The following NRG2 variants were observed in gnomAD, a reference collection of about 807,000 sequenced individuals.
NRG2 encodes neuregulin 2.
Under a neutral mutation model 73.9 loss-of-function variants are expected in NRG2, and 27 were observed. That is an observed-to-expected ratio of 0.37 (90% confidence interval 0.27 to 0.50). NRG2 has a LOEUF of 0.50. NRG2 is among the 20% of genes least tolerant of loss of function. The probability of loss-of-function intolerance (pLI) is 0.96; values close to 1 mark genes in which losing one functional copy is unlikely to be tolerated. For synonymous variants in NRG2, 532 were observed against 541.0 expected (o/e 0.98, Z 0.23); for missense variants, 1,126 against 1,210.1 (o/e 0.93, Z 1.03).
At chr5:139,906,206 C>T (rs1048272799) in intron 1 of NRG2, among the ~76,000 whole-genome samples, 1 of 152,122 alleles carries the variant, frequency 6.6e-6, no homozygotes, top group Non-Finnish European at 1.5e-5. Flanking sequence ...CGGTGTTTCA[C>T]CATGTTGGTC....
In NRG2 at chr5:140,008,601, A is replaced by G. The variant is rs982928742; in HGVS notation, c.700+33769T>C. 6.6e-6 allele frequency among the ~76,000 whole-genome samples: 1 copy of G among 152,242 alleles called. No individual in the cohort carries two copies. The highest frequency in any genetic ancestry group is 1.5e-5 in the Non-Finnish European group (1 of 68,042). On this transcript the variant is annotated intron_variant, in intron 1 of 9. Coordinates refer to ENST00000361474, the MANE Select transcript of NRG2 (RefSeq NM_004883.3). This position sits in a 1 kb window ranked among gnomAD's most constrained non-coding sequence, Gnocchi z 4.2. The stretch of plus-strand genomic sequence containing the variant: ...GGCTTGTGACCAAAAGAGAAAAACT[A>G]AAACCAAATGAAATGTATATACACT...
chr5:140,001,791 A>G (rs1758505016), intron 1 of NRG2, among the ~76,000 whole-genome samples: 1 of 152,014 alleles, frequency 6.6e-6, no homozygotes, highest in Non-Finnish European at 1.5e-5. Context: ...TAAGCCCAAG[A>G]GTTTGAGGCT....
In NRG2 at chr5:139,904,613, C is replaced by A. The variant is rs903528306; in HGVS notation, c.701-17102G>T. On this transcript the variant is annotated intron_variant, in intron 1 of 9. Coordinates refer to ENST00000361474, the MANE Select transcript of NRG2 (RefSeq NM_004883.3). The surrounding 1 kb of genome is among the most constrained non-coding windows in gnomAD (Gnocchi z 6.0). ...CGGGCCGCGGGGGCGTGTGGGCGGC[C>A]GGTCTGGGCCCTAGGCCCCCTCCCT... Among the ~76,000 whole-genome samples, 4 of 152,148 alleles carry A rather than the reference C, an allele frequency of 2.6e-5. No homozygotes were observed. Among genetic ancestry groups the A allele is most frequent in the Non-Finnish European group, 5.9e-5 (4 of 67,998 alleles).
At chr5:139,906,101 G>A (rs967386464) in intron 1 of NRG2, among the ~76,000 whole-genome samples, 50 of 151,984 alleles carry the variant, frequency 3.3e-4, no homozygotes, top group Non-Finnish European at 7.1e-4. Flanking sequence ...TCCTCCTCTC[G>A]GGTTCAAGCG....
chr5:139,975,188 C>G (rs1477036471), intron 1 of NRG2, among the ~76,000 whole-genome samples: 1 of 152,198 alleles, frequency 6.6e-6, no homozygotes, highest in Non-Finnish European at 1.5e-5. Context: ...TAATCGCAGT[C>G]AGCAAAGGAC....
chr5:139,978,847 A>G (rs868262155), intron 1 of NRG2, among the ~76,000 whole-genome samples: 11 of 152,174 alleles, frequency 7.2e-5, no homozygotes, highest in Admixed American at 2.6e-4. Context: ...AATGTCCATC[A>G]ATGATAGACT....
At chr5:139,936,338 C>T (rs112676211) in intron 1 of NRG2, among the ~76,000 whole-genome samples, 217 of 152,234 alleles carry the variant, frequency 1.4e-3, no homozygotes, top group African/African-American at 4.3e-3. Flanking sequence ...AGAGTCATCA[C>T]TACCAACTCC....
intron 9 of NRG2, among the ~76,000 whole-genome samples, chr5:139,850,593 C>T (rs1761356027): frequency 6.6e-6 from 1 of 152,230 alleles, no homozygotes; most frequent in Admixed American, 6.5e-5. Context: ...CTCCCTGCTC[C>T]CTGGTGTGGA....
At chr5:139,859,035 A>ACCCTCTG (rs1257016703) in intron 5 of NRG2, among the ~76,000 whole-genome samples, 3 of 151,714 alleles carry the variant, frequency 2.0e-5, no homozygotes, top group Non-Finnish European at 4.4e-5. Flanking sequence ...TGGAGCCCCC[A>ACCCTCTG]CCCTCTGAGC....
chr5:140,004,724 C>T (rs1391066047), intron 1 of NRG2, among the ~76,000 whole-genome samples: 1 of 152,112 alleles, frequency 6.6e-6, no homozygotes, highest in Admixed American at 6.5e-5. Flanking sequence ...GGAATAATGA[C>T]TATATGCAAC....
intron 3 of NRG2, among the ~76,000 whole-genome samples, chr5:139,872,257 G>A (rs1208552038): frequency 6.6e-6 from 1 of 152,180 alleles, no homozygotes; most frequent in East Asian, 1.9e-4. Flanking sequence ...GGCGGTGCAG[G>A]AAAGAGACAC....
At chr5:139,968,945 T>C (rs1755777611) in intron 1 of NRG2, among the ~76,000 whole-genome samples, 2 of 152,086 alleles carry the variant, frequency 1.3e-5, no homozygotes, top group South Asian at 4.1e-4. Context: ...GGTGGAGAGA[T>C]GAGGAAGGTG....
At chr5:139,966,673 G>A (rs1755544581) in intron 1 of NRG2, among the ~76,000 whole-genome samples, 1 of 152,120 alleles carries the variant, frequency 6.6e-6, no homozygotes, top group African/African-American at 2.4e-5. Flanking sequence ...AAGGAGAAAA[G>A]GGAAGTTTGG....
intron 1 of NRG2, among the ~76,000 whole-genome samples, chr5:139,919,092 A>T (rs951859097): frequency 2.0e-5 from 3 of 152,196 alleles, no homozygotes; most frequent in African/African-American, 7.2e-5. Context: ...TTACCCTCCC[A>T]AAGGTAGAGG....
intron 1 of NRG2, among the ~76,000 whole-genome samples, chr5:139,981,806 G>A (rs1174276070): frequency 6.6e-6 from 1 of 152,228 alleles, no homozygotes; most frequent in Non-Finnish European, 1.5e-5. Context: ...GTAGACAGAG[G>A]CTGGATCCTG....
In NRG2 at chr5:139,848,222, C is replaced by A. The variant is rs1053996283; in HGVS notation, c.2248G>T (p.Gly750Trp). ...GCCCGTGCGCGCTGCGCCGCCAGCC[C>A]GTTGAGGCGCGAGCGGCGCCAGCGC... ...PRRWRRSRLN[G>W]LAAQRARAAR... is the part of the protein sequence containing the mutation. The change falls in exon 10 of 10, where the codon GGG (glycine) becomes TGG (tryptophan). Residue 750 changes from glycine (G) to tryptophan (W), a missense_variant. Gly to Trp is a radical substitution (Grantham distance 184). Around this residue, in one of 3 missense-constraint regions of NRG2, gnomAD observed 402 missense variants for 357.8 expected, o/e 1.12. Coordinates refer to ENST00000361474, the MANE Select transcript of NRG2 (RefSeq NM_004883.3). The A allele has an allele frequency of 5.9e-6, 7 of 1,193,356 alleles. No individual in the cohort carries two copies. Among genetic ancestry groups the A allele is most frequent in the South Asian group, 4.0e-5 (1 of 25,296 alleles). 73.9% of individuals were successfully genotyped at this position (1,193,356 alleles called of 1,614,324 possible). A position where few individuals can be genotyped will look rare whatever the true frequency, so the allele number is the denominator to read the frequency against.
rs1035743308 is a variant in NRG2 at position 140,042,897 on chromosome 5, C to A, written c.173G>T (p.Arg58Leu). ...CCGCGGCTCTGGGGGCGCAGCGGGA[C>A]GAGAGATGCTGCTGTTGTTGCTGCT... Reference protein sequence around the residue: ...RSSSNNSSISRPAAPPEPRPQ... With the variant: ...RSSSNNSSISLPAAPPEPRPQ... Residue 58 changes from arginine (R) to leucine (L), a missense_variant, in exon 1 of 10, where the codon CGT becomes CTT. By Grantham distance (102) the Arg-to-Leu change is moderately radical. Coordinates refer to ENST00000361474, the MANE Select transcript of NRG2 (RefSeq NM_004883.3). 1.6e-5 allele frequency: 24 copies of A among 1,530,728 alleles called. No homozygotes were observed. The highest frequency in any genetic ancestry group is 2.0e-5 in the Non-Finnish European group (23 of 1,141,056). The allele number at this position is 1,530,728 out of a possible 1,614,324, so 94.8% of individuals were successfully genotyped here. A position where few individuals can be genotyped will look rare whatever the true frequency, so the allele number is the denominator to read the frequency against.
chr5:139,909,361 C>T (rs1277740565), intron 1 of NRG2, among the ~76,000 whole-genome samples: 1 of 152,192 alleles, frequency 6.6e-6, no homozygotes, highest in Admixed American at 6.5e-5. Context: ...GACTCCGAGT[C>T]TTACCTATAC....
intron 1 of NRG2, among the ~76,000 whole-genome samples, chr5:139,990,637 T>G (rs1171910800): frequency 6.6e-6 from 1 of 152,208 alleles, no homozygotes; most frequent in Admixed American, 6.5e-5. Context: ...ATCCTATGAT[T>G]CTAACTTCTT....
Sources: allele counts gnomAD v4.1 joint callset (sites outside exome capture counted in the v4.1 genomes callset), GRCh38; gene constraint gnomAD v4.1.1; regional missense constraint gnomAD v4.1.1; non-coding constraint Gnocchi (gnomAD v3.1); transcripts MANE v1.5; gene names NCBI Gene and HGNC (gene_info 2026-07-23, HGNC 2026-07-21).